The following CLIC6 variants were observed in gnomAD, a reference collection of about 807,000 sequenced individuals.
CLIC6 encodes CLIC family member 6.
Under a neutral mutation model 49.2 loss-of-function variants are expected in CLIC6, and 39 were observed. That is an observed-to-expected ratio of 0.79 (90% CI 0.61 to 1.04). The LOEUF (loss-of-function observed/expected upper bound fraction) is 1.04. Ranked by LOEUF, CLIC6 falls within the 50% of genes least tolerant of loss-of-function variation. CLIC6 has a pLI of 0.00. For missense variants in CLIC6, 988 were observed against 993.1 expected (o/e 0.99, Z 0.07); for synonymous variants, 446 against 433.4 (o/e 1.03, Z -0.36).
intron 1 of CLIC6, among the ~76,000 whole-genome samples, chr21:34,673,702 AAAAC>A (rs1464391781): frequency 1.3e-5 from 2 of 152,232 alleles, no homozygotes; most frequent in African/African-American, 2.4e-5. Context: ...AAATGAAACA[AAAAC>A]AAAAAAGACA....
chr21:34,675,883 A>T (rs1989660319), intron 1 of CLIC6, among the ~76,000 whole-genome samples: 1 of 152,196 alleles, frequency 6.6e-6, no homozygotes, highest in Admixed American at 6.5e-5. Context: ...TTGTGAGAGA[A>T]ACAGAGCCAC....
chr21:34,716,281 C>T, intron 5 of CLIC6, 40 bp from the exon 6 acceptor site: 7 of 1,576,412 alleles, frequency 4.4e-6, no homozygotes, highest in Non-Finnish European at 6.1e-6. Flanking sequence ...CCTACCTTAG[C>T]AAGTTTTCCC....
intron 1 of CLIC6, among the ~76,000 whole-genome samples, chr21:34,678,909 C>T (rs1369069731): frequency 6.6e-6 from 1 of 152,122 alleles, no homozygotes; most frequent in African/African-American, 2.4e-5. Flanking sequence ...AGATAACCAC[C>T]AAATATTTTT....
chr21:34,708,675 A>T (rs2056033609), intron 3 of CLIC6, 25 bp from the exon 4 acceptor site: 2 of 1,490,720 alleles, frequency 1.3e-6, no homozygotes, highest in Admixed American at 3.3e-5. Flanking sequence ...CTTGTCTGTG[A>T]TCCTCCAATT....
chr21:34,689,898 T>C (rs1417923719), intron 1 of CLIC6, among the ~76,000 whole-genome samples: 1 of 152,234 alleles, frequency 6.6e-6, no homozygotes, highest in Non-Finnish European at 1.5e-5. Flanking sequence ...CAGCGTGAAA[T>C]TATGCTTCTT....
At position 34,670,398 on chromosome 21, in the gene CLIC6, C is replaced by G. The variant is rs777646304; in HGVS notation, c.1010C>G (p.Pro337Arg). 44 of 1,456,980 alleles carry G rather than the reference C, an allele frequency of 3.0e-5. No homozygotes were observed. The highest frequency in any genetic ancestry group is 3.6e-5 in the Non-Finnish European group (40 of 1,105,752). 90.3% of individuals were successfully genotyped at this position (1,456,980 alleles called of 1,614,324 possible). ...AWDAAEEAEV[P>R]GVKGSEEAAP... ...GACGCAGCGGAGGAGGCGGAGGTCC[C>G]GGGGGTAAAGGGGTCCGAAGAAGCG... The change falls in exon 1 of 6, where the codon CCG (proline) becomes CGG (arginine). Residue 337 changes from proline to arginine, a missense_variant. Physicochemically the swap from Pro to Arg is moderately radical, Grantham distance 103 (BLOSUM62 -2). Transcript: ENST00000349499.
chr21:34,715,134 G>T (rs182146378), intron 5 of CLIC6, among the ~76,000 whole-genome samples: 73 of 152,306 alleles, frequency 4.8e-4, no homozygotes, highest in South Asian at 1.0e-3. Flanking sequence ...CCTGCATCAT[G>T]CAGACATCCT....
chr21:34,694,046 C>T (rs1990047474), intron 1 of CLIC6, among the ~76,000 whole-genome samples: 1 of 147,608 alleles, frequency 6.8e-6, no homozygotes, highest in African/African-American at 2.5e-5. Context: ...GATCTCGGCT[C>T]ACTGCAAGCT....
Position 34,716,591 on chromosome 21 carries a change from C to T in CLIC6, c.*109C>T, listed in dbSNP as rs527256092. ...TTCAATTCCTTCAATTTTTAAAAAA[C>T]TGGTCTCTGAGAGTTTTTTAAATCA... On this transcript the variant is annotated 3_prime_UTR_variant, in exon 6 of 6. Transcript: ENST00000349499. 45 of 826,266 alleles carry T rather than the reference C, an allele frequency of 5.4e-5. No individual in the cohort carries two copies. The East Asian group carries it at 1.3e-3, about 23-fold the overall frequency. The allele number at this position is 826,266 out of a possible 1,614,324, so 51.2% of individuals were successfully genotyped here.
chr21:34,681,022 T>G (rs953478281), intron 1 of CLIC6, among the ~76,000 whole-genome samples: 4 of 152,218 alleles, frequency 2.6e-5, no homozygotes, highest in African/African-American at 9.6e-5. Context: ...AGCATCCCAC[T>G]CTCTTCAGTA....
At chr21:34,695,337 A>G (rs1250354908) in intron 1 of CLIC6, among the ~76,000 whole-genome samples, 1 of 152,176 alleles carries the variant, frequency 6.6e-6, no homozygotes, top group Non-Finnish European at 1.5e-5. Flanking sequence ...ATGTGATGAG[A>G]TTGGGTTTGC....
chr21:34,708,941 C>A, intron 4 of CLIC6, 135 bp downstream of exon 4: 2 of 664,246 alleles, frequency 3.0e-6, no homozygotes, highest in Non-Finnish European at 5.2e-6. Flanking sequence ...GAAAAAGTGC[C>A]TCCAACTTTG....
At chr21:34,712,655 C>G (rs147065951) in intron 5 of CLIC6, among the ~76,000 whole-genome samples, 25 of 152,254 alleles carry the variant, frequency 1.6e-4, no homozygotes, top group African/African-American at 6.0e-4. Flanking sequence ...GACCCAGCAC[C>G]TAATCCAGAG....
chr21:34,670,302 C>T lies in CLIC6; in HGVS notation c.914C>T (p.Ser305Leu). Reference protein sequence around the residue: ...EPQQSGDGSLSPQAEAIEVAA... With the variant: ...EPQQSGDGSLLPQAEAIEVAA... ...CAGCAATCGGGGGACGGCAGCCTCTCGCCCCAGGCCGAGGCAATTGAGGTC... is the reference window on the plus strand; with the variant it reads ...CAGCAATCGGGGGACGGCAGCCTCTTGCCCCAGGCCGAGGCAATTGAGGTC... The change falls in exon 1 of 6, where the codon TCG (serine) becomes TTG (leucine). Residue 305 changes from serine to leucine, a missense_variant. Around this residue, in one of 3 missense-constraint regions of CLIC6, gnomAD observed 647 missense variants for 596.9 expected, o/e 1.08. Coordinates refer to ENST00000349499, the MANE Select transcript of CLIC6 (RefSeq NM_053277.3). 6.9e-7 allele frequency: 1 copy of T among 1,441,296 alleles called. No individual in the cohort carries two copies. Among genetic ancestry groups the T allele is most frequent in the Non-Finnish European group, 9.1e-7 (1 of 1,100,584 alleles). The allele number at this position is 1,441,296 out of a possible 1,614,324, so 89.3% of individuals were successfully genotyped here.
rs368902931 is a variant in CLIC6 at position 34,716,531 on chromosome 21, G to A, written c.*49G>A. 1.2e-5 allele frequency: 18 copies of A among 1,483,190 alleles called. No homozygotes were observed. Among genetic ancestry groups the A allele is most frequent in the Middle Eastern group, 1.8e-4 (1 of 5,670 alleles). The allele number at this position is 1,483,190 out of a possible 1,614,324, so 91.9% of individuals were successfully genotyped here. On this transcript the variant is annotated 3_prime_UTR_variant, in exon 6 of 6. Transcript: ENST00000349499. ...TTCTCAGTTGAGTGAGCAAGGATAC[G>A]AAAACAGTGTGTTTGAAAACAAATT...
chr21:34,702,361 C>T (rs1435197380), intron 1 of CLIC6, among the ~76,000 whole-genome samples: 2 of 152,048 alleles, frequency 1.3e-5, no homozygotes, highest in East Asian at 1.9e-4. Context: ...CATGCAGAGG[C>T]GTGGGGGCGC....
intron 1 of CLIC6, among the ~76,000 whole-genome samples, chr21:34,680,364 A>T (rs2145800411): frequency 6.6e-6 from 1 of 152,220 alleles, no homozygotes; most frequent in African/African-American, 2.4e-5. Context: ...GGCCCATGAA[A>T]CCATTTTTCC....
chr21:34,670,517 A>G lies in CLIC6; in HGVS notation c.1129A>G (p.Ser377Gly), dbSNP rs1989535167. The change falls in exon 1 of 6, where the codon AGC (serine) becomes GGC (glycine). Residue 377 changes from serine (S) to glycine (G), a missense_variant. Coordinates refer to ENST00000349499, the MANE Select transcript of CLIC6 (RefSeq NM_053277.3). ...PGEDEERRER[S>G]PEGPREEEAA... ...GGAGGACGAAGAGAGACGAGAGCGGAGCCCGGAGGGGCCAAGGGAGGAGGA... is the reference window on the plus strand; with the variant it reads ...GGAGGACGAAGAGAGACGAGAGCGGGGCCCGGAGGGGCCAAGGGAGGAGGA... The G allele has an allele frequency of 7.4e-6, 11 of 1,495,194 alleles. No individual in the cohort carries two copies. Among genetic ancestry groups the G allele is most frequent in the Non-Finnish European group, 9.8e-6 (11 of 1,121,860 alleles). The allele number at this position is 1,495,194 out of a possible 1,614,324, so 92.6% of individuals were successfully genotyped here.
chr21:34,693,231 T>C (rs890124404), intron 1 of CLIC6, among the ~76,000 whole-genome samples: 1 of 152,156 alleles, frequency 6.6e-6, no homozygotes, highest in Non-Finnish European at 1.5e-5. Flanking sequence ...CTTGTCCTAG[T>C]TTTTCCAGGA....
Sources: gnomAD v4.1 joint callset for allele counts (sites outside exome capture counted in the v4.1 genomes callset) on GRCh38, gnomAD v4.1.1 for gene constraint, gnomAD v4.1.1 regional missense constraint, MANE v1.5 for transcripts, NCBI Gene and HGNC (gene_info 2026-07-23, HGNC 2026-07-21) for gene names.